PLCL1: variants seen among roughly 807,000 people sequenced by gnomAD.
PLCL1 encodes inactive phospholipase C-like protein 1.
In PLCL1, 41 loss-of-function variants were observed where a neutral mutation model predicts 84.4. The ratio of observed to expected loss-of-function variants is 0.49; its 90% confidence interval spans 0.38 to 0.63. PLCL1 has a LOEUF of 0.63. Among genes scored for constraint, PLCL1 ranks in the 30% least tolerant of loss-of-function variants. The probability of loss-of-function intolerance (pLI) is 0.00; values close to 1 mark genes in which losing one functional copy is unlikely to be tolerated. For missense variants in PLCL1, 1,206 were observed against 1,367.8 expected (o/e 0.88, Z 1.87); for synonymous variants, 490 against 488.3 (o/e 1.00, Z -0.05).
chr2:197,908,890 ATTGAT>A, intron 1 of PLCL1, among the ~76,000 whole-genome samples: 1 of 152,316 alleles, frequency 6.6e-6, no homozygotes, highest in African/African-American at 2.4e-5. Flanking sequence ...TATTCTTATA[ATTGAT>A]TTAAGAATTA....
rs374016382 is a variant in PLCL1, at chr2:198,011,403, A to C, written c.241-72355A>C. On this transcript the variant is annotated intron_variant, in intron 1 of 5. Coordinates refer to ENST00000428675, the MANE Select transcript of PLCL1 (RefSeq NM_006226.4). ...TTTATGAGTGCATTGTTTAATTTCCACATATTACTGGATTTTCCTATTTTC... is the reference window on the plus strand; with the variant it reads ...TTTATGAGTGCATTGTTTAATTTCCCCATATTACTGGATTTTCCTATTTTC... 4.6e-5 allele frequency among the ~76,000 whole-genome samples: 7 copies of C among 151,848 alleles called. No individual in the cohort carries two copies. The East Asian group carries it at 1.4e-3, about 29-fold the overall frequency.
chr2:197,956,389 A>G (rs2105786006), intron 1 of PLCL1, among the ~76,000 whole-genome samples: 1 of 152,284 alleles, frequency 6.6e-6, no homozygotes. Context: ...ATACATGTGC[A>G]TGTGTCTTTA....
intron 1 of PLCL1, among the ~76,000 whole-genome samples, chr2:197,923,138 T>A (rs1688747516): frequency 2.2e-5 from 3 of 136,064 alleles, no homozygotes; most frequent in Admixed American, 1.4e-4. Flanking sequence ...GGCTCCTCAC[T>A]TCCCAGTAGG....
Position 197,804,951 on chromosome 2 carries a change from C to CGCCGCCGCCGCCGCCGCCGCCACT in PLCL1, c.-134_-133insGCCGCCACTGCCGCCGCCGCCGCC, listed in dbSNP as rs1690434327. The CGCCGCCGCCGCCGCCGCCGCCACT allele has an allele frequency of 4.1e-6, 4 of 982,340 alleles. No individual in the cohort carries two copies. The Admixed American group carries it at 9.5e-5, about 23-fold the overall frequency. 60.9% of individuals were successfully genotyped at this position (982,340 alleles called of 1,614,324 possible). Reference sequence around the variant, plus strand: ...CCCCTCTCCAGAAAGTTGCCGCCGCCGCCGCCGCCGCCGCCACTGCCGCCG... The same window carrying CGCCGCCGCCGCCGCCGCCGCCACT: ...CCCCTCTCCAGAAAGTTGCCGCCGCCGCCGCCGCCGCCGCCGCCGCCACTGCCGCCGCCGCCGCCACTGCCGCCG... On this transcript the variant is annotated 5_prime_UTR_variant, in exon 1 of 6. Coordinates refer to ENST00000428675, the MANE Select transcript of PLCL1 (RefSeq NM_006226.4).
chr2:198,088,839 C>T lies in PLCL1; in HGVS notation c.2716-19C>T, dbSNP rs1174848557. 6.6e-7 allele frequency: 1 copy of T among 1,507,514 alleles called. No individual in the cohort carries two copies. Among genetic ancestry groups the T allele is most frequent in the Non-Finnish European group, 9.2e-7 (1 of 1,082,828 alleles). The allele number at this position is 1,507,514 out of a possible 1,614,324, so 93.4% of individuals were successfully genotyped here. On this transcript the variant is annotated intron_variant, in intron 2 of 5. Coordinates refer to ENST00000428675, the MANE Select transcript of PLCL1 (RefSeq NM_006226.4). Reference sequence around the variant, plus strand: ...TGTCAGGTGGTCAGAAGTGTGATTCCATGTTTTCTTCCTCACAGAATGCAA... The same window carrying T: ...TGTCAGGTGGTCAGAAGTGTGATTCTATGTTTTCTTCCTCACAGAATGCAA...
At chr2:198,094,728 G>A (rs539799351) in intron 3 of PLCL1, among the ~76,000 whole-genome samples, 3 of 152,292 alleles carry the variant, frequency 2.0e-5, no homozygotes, top group Non-Finnish European at 4.4e-5. Context: ...TAACCTGGGA[G>A]AAGCGAGAGA....
Position 198,146,995 on chromosome 2 carries a change from A to G in PLCL1, c.*33A>G, listed in dbSNP as rs370110034. 218 of 1,520,164 alleles carry G rather than the reference A, an allele frequency of 1.4e-4. 1 individual carries two copies. Among genetic ancestry groups the G allele is most frequent in the Admixed American group, 3.8e-4 (18 of 47,808 alleles). 94.2% of individuals were successfully genotyped at this position (1,520,164 alleles called of 1,614,324 possible). A position where few individuals can be genotyped will look rare whatever the true frequency, so the allele number is the denominator to read the frequency against. On this transcript the variant is annotated 3_prime_UTR_variant, in exon 6 of 6. Coordinates refer to ENST00000428675, the MANE Select transcript of PLCL1 (RefSeq NM_006226.4). ...CATTATCGACACGTTCACCCATCTTATCAAGGACTCTGGTTTCTCATTCTT... is the reference window on the plus strand; with the variant it reads ...CATTATCGACACGTTCACCCATCTTGTCAAGGACTCTGGTTTCTCATTCTT...
intron 1 of PLCL1, among the ~76,000 whole-genome samples, chr2:197,825,562 C>T (rs1325050012): frequency 6.6e-6 from 1 of 152,204 alleles, no homozygotes; most frequent in Non-Finnish European, 1.5e-5. Context: ...TGATTTATCT[C>T]CCATCTCTCA....
intron 1 of PLCL1, among the ~76,000 whole-genome samples, chr2:197,941,109 A>G (rs374445476): frequency 6.6e-6 from 1 of 152,186 alleles, no homozygotes; most frequent in African/African-American, 2.4e-5. Context: ...AGATTAAACT[A>G]GACATCTATA....
chr2:197,867,777 G>A (rs543405836), intron 1 of PLCL1, among the ~76,000 whole-genome samples: 10 of 152,212 alleles, frequency 6.6e-5, no homozygotes, highest in Middle Eastern at 3.4e-3. Flanking sequence ...GATTTCTAGC[G>A]TGGCTCACTG....
chr2:198,020,703 C>G (rs1691113225), intron 1 of PLCL1, among the ~76,000 whole-genome samples: 1 of 152,044 alleles, frequency 6.6e-6, no homozygotes, highest in Non-Finnish European at 1.5e-5. Flanking sequence ...GCTAACTAGC[C>G]TAAATATATA....
chr2:197,972,591 A>G (rs1032774395), intron 1 of PLCL1, among the ~76,000 whole-genome samples: 5 of 152,178 alleles, frequency 3.3e-5, no homozygotes, highest in Non-Finnish European at 7.3e-5. Flanking sequence ...AAGGTGTCAT[A>G]TATCCAAAAA....
In PLCL1 at chr2:197,804,795, G is replaced by T. The variant is rs569185517; in HGVS notation, c.-305G>T. Reference sequence around the variant, plus strand: ...GGGCCGGCGTTTGCATCACATTTCGGATACCTCCCTCTCTTTTTCGCCTCT... The same window carrying T: ...GGGCCGGCGTTTGCATCACATTTCGTATACCTCCCTCTCTTTTTCGCCTCT... On this transcript the variant is annotated 5_prime_UTR_variant, in exon 1 of 6. Coordinates refer to ENST00000428675, the MANE Select transcript of PLCL1 (RefSeq NM_006226.4). The T allele has an allele frequency of 1.0e-5, 3 of 288,116 alleles. No individual in the cohort carries two copies. Among genetic ancestry groups the T allele is most frequent in the African/African-American group, 6.6e-5 (3 of 45,612 alleles). The allele number at this position is 288,116 out of a possible 1,614,324, so 17.8% of individuals were successfully genotyped here.
intron 5 of PLCL1, among the ~76,000 whole-genome samples, chr2:198,133,882 A>G (rs1193927603): frequency 6.6e-6 from 1 of 152,174 alleles, no homozygotes; most frequent in Admixed American, 6.6e-5. Context: ...AACTGGGGAA[A>G]TTTAATATGT....
At chr2:198,071,918 GC>G (rs1187132318) in intron 1 of PLCL1, among the ~76,000 whole-genome samples, 2 of 151,654 alleles carry the variant, frequency 1.3e-5, no homozygotes, top group East Asian at 3.8e-4. Flanking sequence ...CAGAAATCTA[GC>G]TTTTTTGTTC....
intron 1 of PLCL1, among the ~76,000 whole-genome samples, chr2:198,057,691 A>G (rs1692100844): frequency 6.6e-6 from 1 of 152,220 alleles, no homozygotes. Flanking sequence ...CTTTTCTATC[A>G]TACTACCACC....
intron 1 of PLCL1, among the ~76,000 whole-genome samples, chr2:197,834,627 AT>A (rs1267871552): frequency 6.6e-6 from 1 of 152,234 alleles, no homozygotes; most frequent in Non-Finnish European, 1.5e-5. Flanking sequence ...TAGAATGGCG[AT>A]CATTAAAAAG....
chr2:198,075,314 C>T (rs1165509501), intron 1 of PLCL1, among the ~76,000 whole-genome samples: 1 of 152,210 alleles, frequency 6.6e-6, no homozygotes, highest in East Asian at 1.9e-4. Flanking sequence ...AGACATCTGT[C>T]TTAGAGGGAC....
chr2:197,902,855 G>A (rs1688295238), intron 1 of PLCL1, among the ~76,000 whole-genome samples: 2 of 152,210 alleles, frequency 1.3e-5, no homozygotes, highest in East Asian at 1.9e-4. Flanking sequence ...CAGGTTTTCA[G>A]TTACAAGCTT....
Sources: gnomAD v4.1 joint callset for allele counts (sites outside exome capture counted in the v4.1 genomes callset) on GRCh38, gnomAD v4.1.1 for gene constraint, MANE v1.5 for transcripts, NCBI Gene and HGNC (gene_info 2026-07-23, HGNC 2026-07-21) for gene names.